Variants in TLL1 observed in about 807,000 individuals in gnomAD.
The protein encoded by TLL1 is tolloid-like protein 1.
TLL1 carries 49 observed loss-of-function variants against 128.2 expected under a neutral mutation model. That is an observed-to-expected ratio of 0.38 (90% CI 0.30 to 0.48). The LOEUF is 0.48. Among genes scored for constraint, TLL1 ranks in the 20% least tolerant of loss-of-function variants. The pLI, the probability that TLL1 is intolerant of heterozygous loss-of-function variation, is 0.96. For missense variants in TLL1, 1,123 were observed against 1,242.0 expected (o/e 0.90, Z 1.44); for synonymous variants, 454 against 418.8 (o/e 1.08, Z -1.03).
intron 1 of TLL1, among the ~76,000 whole-genome samples, chr4:165,906,289 T>C (rs558451983): frequency 1.9e-4 from 29 of 152,390 alleles, no homozygotes; most frequent in African/African-American, 5.5e-4. Flanking sequence ...TAGTATGCAC[T>C]ACGTGCCAGC....
At chr4:165,912,942 CT>C (rs1309566708) in intron 1 of TLL1, among the ~76,000 whole-genome samples, 2 of 150,884 alleles carry the variant, frequency 1.3e-5, no homozygotes, top group African/African-American at 4.8e-5. Flanking sequence ...CATTTTTCTT[CT>C]TTAATCAAAT....
At position 166,074,975 on chromosome 4, in the gene TLL1, A is replaced by G. The variant is rs760773917; in HGVS notation, c.2286A>G (p.Leu762=). 2 of 1,613,672 alleles carry G rather than the reference A, an allele frequency of 1.2e-6. No individual in the cohort carries two copies. Among genetic ancestry groups the G allele is most frequent in the East Asian group, 4.5e-5 (2 of 44,834 alleles). Residue 762 remains leucine, a synonymous_variant, in exon 17 of 21, where the codon CTA becomes CTG. Coordinates refer to ENST00000061240, the MANE Select transcript of TLL1 (RefSeq NM_012464.5). The part of the protein sequence containing the change: ...YMCQCRNGFV[L]HDNKHDCKEA... ...GTCAATGCCGTAATGGATTTGTGCTACATGACAATAAACATGATTGCAAGG... is the reference window on the plus strand; with the variant it reads ...GTCAATGCCGTAATGGATTTGTGCTGCATGACAATAAACATGATTGCAAGG...
intron 12 of TLL1, among the ~76,000 whole-genome samples, chr4:166,049,250 A>T (rs1427829477): frequency 2.6e-5 from 4 of 152,190 alleles, no homozygotes; most frequent in Non-Finnish European, 4.4e-5. Context: ...TAGCACTATG[A>T]TCGAAACCAA....
intron 1 of TLL1, among the ~76,000 whole-genome samples, chr4:165,972,321 G>A (rs928625296): frequency 3.7e-4 from 56 of 152,236 alleles, no homozygotes; most frequent in African/African-American, 1.3e-3. Context: ...CCTGTATATG[G>A]TTATCCAAAG....
At chr4:165,995,476 T>C (rs546533202) in intron 5 of TLL1, among the ~76,000 whole-genome samples, 12 of 152,328 alleles carry the variant, frequency 7.9e-5, no homozygotes, top group African/African-American at 2.9e-4. Flanking sequence ...GGGATTCTGT[T>C]GTGTTGTCTC....
chr4:165,920,726 C>G (rs1733006641), intron 1 of TLL1, among the ~76,000 whole-genome samples: 1 of 151,918 alleles, frequency 6.6e-6, no homozygotes, highest in Non-Finnish European at 1.5e-5. Flanking sequence ...TTCAAATATT[C>G]TTTTTGTTTA....
intron 1 of TLL1, among the ~76,000 whole-genome samples, chr4:165,903,102 G>T (rs1170126331): frequency 4.6e-5 from 7 of 152,116 alleles, no homozygotes; most frequent in Non-Finnish European, 7.4e-5. Context: ...ACTGTGGGAG[G>T]CTGAGGCACG....
At chr4:166,047,892 A>G (rs7663466) in intron 12 of TLL1, among the ~76,000 whole-genome samples, 19,210 of 152,078 alleles carry the variant, frequency 0.13, 1,333 homozygotes, top group African/African-American at 0.19. Context: ...TCTTTGGGAC[A>G]TGATTAGTCA....
rs544721596 is a variant in TLL1 at position 165,959,473 on chromosome 4, C to G, written c.170-29908C>G. Among the ~76,000 whole-genome samples the G allele has an allele frequency of 3.3e-5, 5 of 151,702 alleles. No homozygotes were observed. The South Asian group carries it at 1.0e-3, about 31-fold the overall frequency. Reference sequence around the variant, plus strand: ...CTAAGTATTTTATTCTCTTTTAACTCAACACTTGGCCAGTTGCATCTAATA... The same window carrying G: ...CTAAGTATTTTATTCTCTTTTAACTGAACACTTGGCCAGTTGCATCTAATA... On this transcript the variant is annotated intron_variant, in intron 1 of 20. Transcript: ENST00000061240.
At chr4:165,976,385 G>T (rs1264501780) in intron 1 of TLL1, among the ~76,000 whole-genome samples, 5 of 152,114 alleles carry the variant, frequency 3.3e-5, no homozygotes, top group African/African-American at 1.2e-4. Context: ...AACTTAACAA[G>T]GCATACGTTA....
rs5863791 is a variant in TLL1 at position 165,982,736 on chromosome 4, T to TAAA, written c.170-6632_170-6630dup. 6.2e-4 allele frequency among the ~76,000 whole-genome samples: 86 copies of TAAA among 137,762 alleles called. No homozygotes were observed. The South Asian group carries it at 8.9e-3, about 14-fold the overall frequency. The allele number at this position is 137,762 out of a possible 152,430, so 90.4% of individuals were successfully genotyped here. ...TGGGTAAGCCATAGAGCAATGTATG[T>TAAA]AAAAAAAAAAAAAAAGCAAATTTGC... On this transcript the variant is annotated intron_variant, in intron 1 of 20. Coordinates refer to ENST00000061240, the MANE Select transcript of TLL1 (RefSeq NM_012464.5).
At chr4:165,932,066 C>T (rs770216685) in intron 1 of TLL1, among the ~76,000 whole-genome samples, 1 of 152,074 alleles carries the variant, frequency 6.6e-6, no homozygotes, top group Non-Finnish European at 1.5e-5. Context: ...ACCACTTCTT[C>T]GCCTACTCTG....
chr4:166,094,589 G>A (rs1000179132), intron 19 of TLL1, among the ~76,000 whole-genome samples: 9 of 152,194 alleles, frequency 5.9e-5, no homozygotes, highest in Middle Eastern at 3.4e-3. Flanking sequence ...AGAAATTTGA[G>A]GCTAAAACAT....
chr4:166,049,357 T>G (rs1228530867), intron 12 of TLL1, among the ~76,000 whole-genome samples: 1 of 152,226 alleles, frequency 6.6e-6, no homozygotes, highest in Non-Finnish European at 1.5e-5. Context: ...TCTTTCCTTT[T>G]GTAACTATCT....
At chr4:165,875,538 T>C (rs928192734) in intron 1 of TLL1, among the ~76,000 whole-genome samples, 2 of 152,334 alleles carry the variant, frequency 1.3e-5, no homozygotes, top group East Asian at 3.9e-4. Flanking sequence ...TCACTTTTAA[T>C]AACTGTATCT....
chr4:165,897,662 C>CTTTTTTTTTTTT (rs951819686), intron 1 of TLL1, among the ~76,000 whole-genome samples: 17 of 47,544 alleles, frequency 3.6e-4, no homozygotes, highest in South Asian at 1.5e-3. Context: ...GGTAGTCCAG[C>CTTTTTTTTTTTT]TTTTTTTTTT....
chr4:165,889,091 G>A (rs1429837776), intron 1 of TLL1, among the ~76,000 whole-genome samples: 3 of 152,144 alleles, frequency 2.0e-5, no homozygotes, highest in Non-Finnish European at 4.4e-5. Flanking sequence ...AGCATATTGA[G>A]TTATGCAGGA....
intron 9 of TLL1, among the ~76,000 whole-genome samples, chr4:166,036,835 A>G (rs1739026796): frequency 6.9e-6 from 1 of 145,464 alleles, no homozygotes; most frequent in Non-Finnish European, 1.5e-5. Context: ...GTGTGTTTCA[A>G]GAGAGCAAAT....
At chr4:166,082,175 T>A (rs567456118) in intron 18 of TLL1, among the ~76,000 whole-genome samples, 1 of 152,184 alleles carries the variant, frequency 6.6e-6, no homozygotes, top group Non-Finnish European at 1.5e-5. Flanking sequence ...TGTGTCAGAA[T>A]TACCTGGAAG....
Sources: allele counts gnomAD v4.1 joint callset (sites outside exome capture counted in the v4.1 genomes callset), GRCh38; gene constraint gnomAD v4.1.1; transcripts MANE v1.5; gene names NCBI Gene and HGNC (gene_info 2026-07-23, HGNC 2026-07-21).